Variants in EAF2 observed in about 807,000 individuals in gnomAD.
EAF2 encodes the protein ELL-associated factor 2.
A neutral mutation model predicts 29.4 loss-of-function variants in EAF2; 29 were observed. The observed-to-expected ratio is 0.99, with a 90% CI of 0.73 to 1.35. The LOEUF (loss-of-function observed/expected upper bound fraction) is 1.35, where lower values mean the gene tolerates loss of function less well. EAF2 is among the 40% of genes most tolerant of loss of function. The pLI is 0.00. For missense variants in EAF2, 292 were observed against 312.0 expected, an observed-to-expected ratio of 0.94 and a Z score of 0.48; for synonymous variants, 103 against 102.5, an observed-to-expected ratio of 1.00 and a Z score of -0.03.
intron 2 of EAF2, among the ~76,000 whole-genome samples, chr3:121,854,149 C>T (rs142149772): frequency 2.1e-3 from 319 of 151,970 alleles, no homozygotes; most frequent in African/African-American, 7.2e-3. Flanking sequence ...AACCCCGTCT[C>T]TACTAAAAAT....
chr3:121,877,521 TATA>T (rs1230709194), intron 5 of EAF2, among the ~76,000 whole-genome samples: 1 of 151,888 alleles, frequency 6.6e-6, no homozygotes, highest in Non-Finnish European at 1.5e-5. Flanking sequence ...ATATTATGAT[TATA>T]ATATGAAAAT....
At chr3:121,855,867 A>C (rs761798129) in intron 3 of EAF2, among the ~76,000 whole-genome samples, 16 of 152,224 alleles carry the variant, frequency 1.1e-4, no homozygotes, top group Non-Finnish European at 2.2e-4. Flanking sequence ...TAGTCGTTAC[A>C]TATTAAAGTC....
chr3:121,884,499 C>T (rs983544568), intron 5 of EAF2, among the ~76,000 whole-genome samples: 1 of 151,330 alleles, frequency 6.6e-6, no homozygotes, highest in Non-Finnish European at 1.5e-5. Context: ...GTGATCTCGG[C>T]TTACTGCAAC....
intron 2 of EAF2, among the ~76,000 whole-genome samples, chr3:121,845,416 C>T (rs182332725): frequency 3.7e-5 from 4 of 109,212 alleles, no homozygotes; most frequent in African/African-American, 1.5e-4. Flanking sequence ...CCAGCCTGGG[C>T]GATAGAGCGA....
chr3:121,878,194 T>G (rs1273407141), intron 5 of EAF2, among the ~76,000 whole-genome samples: 1 of 151,990 alleles, frequency 6.6e-6, no homozygotes, highest in Non-Finnish European at 1.5e-5. Context: ...TAACAAGGGC[T>G]GAGAAGAAAA....
chr3:121,876,901 G>A (rs1317025754), intron 5 of EAF2, among the ~76,000 whole-genome samples: 2 of 151,608 alleles, frequency 1.3e-5, no homozygotes, highest in African/African-American at 4.8e-5. Context: ...AATAACAAAA[G>A]CAAAGCATTA....
intron 4 of EAF2, among the ~76,000 whole-genome samples, chr3:121,861,431 C>T (rs1055505731): frequency 1.3e-5 from 2 of 152,174 alleles, no homozygotes; most frequent in Admixed American, 6.5e-5. Flanking sequence ...TAATGGCCTT[C>T]CTTGTCTCTT....
chr3:121,846,940 G>A lies in EAF2; in HGVS notation c.201+2393G>A, dbSNP rs376110973. ...TCTTAAAGGAAGCACAGTTACAGGA[G>A]GCCTATGTTTTCAAGCCTGTGAATT... On this transcript the variant is annotated intron_variant, in intron 2 of 5. Transcript: ENST00000273668. Among the ~76,000 whole-genome samples, 5 of 152,134 alleles carry A rather than the reference G, an allele frequency of 3.3e-5. No individual in the cohort carries two copies. In the South Asian group the frequency reaches 1.0e-3, roughly 31 times the overall value.
Position 121,857,151 on chromosome 3 carries a change from A to G in EAF2, c.479A>G (p.Glu160Gly), listed in dbSNP as rs1708735003. 1 of 1,608,396 alleles carries G rather than the reference A, an allele frequency of 6.2e-7. No homozygotes were observed. Among genetic ancestry groups the G allele is most frequent in the African/African-American group, 1.3e-5 (1 of 74,684 alleles). The change falls in exon 4 of 6, where the codon GAA (glutamate) becomes GGA (glycine). Residue 160 changes from glutamate (E) to glycine (G), a missense_variant. Transcript: ENST00000273668. ...CCAGCATCTCCAATAGATGATATCG[A>G]AAGAGGTAAAATCTAAGTATATGTA... ...MSPASPIDDI[E>G]RELKAEASLM...
At chr3:121,849,679 A>G (rs143821975) in intron 2 of EAF2, among the ~76,000 whole-genome samples, 56 of 152,232 alleles carry the variant, frequency 3.7e-4, no homozygotes, top group African/African-American at 1.2e-3. Context: ...GGTACTCCAG[A>G]TGACCCTCTT....
chr3:121,866,859 G>C (rs1480192166), intron 4 of EAF2, among the ~76,000 whole-genome samples: 3 of 152,164 alleles, frequency 2.0e-5, no homozygotes, highest in Admixed American at 1.3e-4. Context: ...TGAATCAAAT[G>C]TTAGAATTAT....
At chr3:121,884,340 C>CA (rs1192870196) in intron 5 of EAF2, among the ~76,000 whole-genome samples, 28,215 of 83,814 alleles carry the variant, frequency 0.34, 4,134 homozygotes, top group Admixed American at 0.44. Context: ...AACTCCATCT[C>CA]AAAAAAAAAA....
intron 4 of EAF2, among the ~76,000 whole-genome samples, chr3:121,868,223 G>T (rs1408529125): frequency 6.6e-6 from 1 of 152,138 alleles, no homozygotes; most frequent in Non-Finnish European, 1.5e-5. Flanking sequence ...GAAAGTAAAA[G>T]AATAGAAAAT....
chr3:121,882,218 A>G (rs762753639), intron 5 of EAF2, among the ~76,000 whole-genome samples: 45 of 152,066 alleles, frequency 3.0e-4, no homozygotes, highest in Non-Finnish European at 4.9e-4. Context: ...GCATGCTGGT[A>G]CACACCCATA....
chr3:121,856,818 G>T (rs1344652366), intron 3 of EAF2, among the ~76,000 whole-genome samples, 193 bp from the exon 4 acceptor site: 2 of 152,188 alleles, frequency 1.3e-5, no homozygotes, highest in East Asian at 3.9e-4. Context: ...TCCCTCAATG[G>T]ACATGTGTAT....
chr3:121,852,067 T>G (rs1370825290), intron 2 of EAF2, among the ~76,000 whole-genome samples: 1 of 152,246 alleles, frequency 6.6e-6, no homozygotes, highest in African/African-American at 2.4e-5. Flanking sequence ...CATTTGTTAC[T>G]TATGACCAGA....
intron 1 of EAF2, among the ~76,000 whole-genome samples, chr3:121,841,550 AAGAAAGAAAAAAGAT>A (rs1708431812): frequency 7.1e-6 from 1 of 141,312 alleles, no homozygotes; most frequent in Non-Finnish European, 1.5e-5. Flanking sequence ...AAAAGAAAGA[AAGAAAGAAAAAAGAT>A]AGAAAGAAAT....
intron 5 of EAF2, among the ~76,000 whole-genome samples, chr3:121,883,646 C>A (rs996676803): frequency 3.9e-5 from 6 of 152,230 alleles, no homozygotes; most frequent in African/African-American, 1.4e-4. Context: ...AAACTCCCCT[C>A]CCACTAAATG....
At chr3:121,876,981 T>C (rs1192589551) in intron 5 of EAF2, among the ~76,000 whole-genome samples, 5 of 151,488 alleles carry the variant, frequency 3.3e-5, no homozygotes, top group Admixed American at 2.0e-4. Context: ...TTATAACAAA[T>C]TGTCTAAAAA....
Sources: allele counts gnomAD v4.1 joint callset (sites outside exome capture counted in the v4.1 genomes callset), GRCh38; gene constraint gnomAD v4.1.1; transcripts MANE v1.5; gene names NCBI Gene and HGNC (gene_info 2026-07-23, HGNC 2026-07-21).